The following CAMK1D variants were observed in gnomAD, a reference collection of about 807,000 sequenced individuals.
CAMK1D encodes calcium/calmodulin dependent protein kinase ID, also known as calcium/calmodulin-dependent protein kinase type 1D.
Under a neutral mutation model 47.7 loss-of-function variants are expected in CAMK1D, and 9 were observed. That is an observed-to-expected ratio of 0.19 (90% CI 0.11 to 0.33). The LOEUF is 0.33. Among genes scored for constraint, CAMK1D ranks in the 10% least tolerant of loss-of-function variants. The pLI is 1.00. For missense variants in CAMK1D, 291 were observed against 488.7 expected (o/e 0.60, Z 3.81); for synonymous variants, 184 against 184.9 (o/e 0.99, Z 0.04).
At chr10:12,584,843 C>T (rs1837768826) in intron 2 of CAMK1D, among the ~76,000 whole-genome samples, 1 of 152,098 alleles carries the variant, frequency 6.6e-6, no homozygotes, top group South Asian at 2.1e-4. Context: ...AAGAAAGGCC[C>T]AGTAGCTTGC....
intron 1 of CAMK1D, among the ~76,000 whole-genome samples, chr10:12,412,043 C>G (rs1839675652): frequency 6.6e-6 from 1 of 152,230 alleles, no homozygotes; most frequent in African/African-American, 2.4e-5. Flanking sequence ...GGGCTGGTTT[C>G]TCAGGTGACA....
chr10:12,697,918 G>A (rs1336975730), intron 3 of CAMK1D, among the ~76,000 whole-genome samples: 3 of 152,128 alleles, frequency 2.0e-5, no homozygotes, highest in Middle Eastern at 3.2e-3. Context: ...GCGGCCTCCT[G>A]CAGGAAATGG....
intron 6 of CAMK1D, among the ~76,000 whole-genome samples, chr10:12,799,335 C>T (rs139757903): frequency 6.6e-6 from 1 of 152,186 alleles, no homozygotes; most frequent in East Asian, 1.9e-4. Context: ...GTGGAGGGAG[C>T]ACGACATTGC....
At chr10:12,729,452 A>G (rs1033174067) in intron 3 of CAMK1D, among the ~76,000 whole-genome samples, 4 of 152,076 alleles carry the variant, frequency 2.6e-5, no homozygotes, top group African/African-American at 9.7e-5. Flanking sequence ...CCTGGGTAAC[A>G]TAGCAAGACC....
intron 2 of CAMK1D, among the ~76,000 whole-genome samples, chr10:12,663,589 C>T (rs150666866): frequency 8.7e-4 from 132 of 152,236 alleles, no homozygotes; most frequent in African/African-American, 3.0e-3. Flanking sequence ...GCATGAGTAC[C>T]AGGAGGGCTG....
chr10:12,365,290 A>G (rs1181384068), intron 1 of CAMK1D, among the ~76,000 whole-genome samples: 1 of 151,910 alleles, frequency 6.6e-6, no homozygotes, highest in Non-Finnish European at 1.5e-5. Flanking sequence ...TGTTTGTCAA[A>G]TGGGGATAAT....
chr10:12,617,703 G>C (rs545721797), intron 2 of CAMK1D, among the ~76,000 whole-genome samples: 2 of 152,188 alleles, frequency 1.3e-5, no homozygotes, highest in East Asian at 3.9e-4. Context: ...GATACCTGCC[G>C]GGTTAGTTTT....
At chr10:12,584,772 A>G (rs1047886994) in intron 2 of CAMK1D, among the ~76,000 whole-genome samples, 1 of 152,136 alleles carries the variant, frequency 6.6e-6, no homozygotes, top group Non-Finnish European at 1.5e-5. Flanking sequence ...GTGAGCAATG[A>G]TCATGCTACT....
At chr10:12,357,692 C>G (rs751303943) in intron 1 of CAMK1D, among the ~76,000 whole-genome samples, 1 of 152,080 alleles carries the variant, frequency 6.6e-6, no homozygotes, top group African/African-American at 2.4e-5. Flanking sequence ...AGCGGACCCA[C>G]GTTATTTTCC....
At chr10:12,689,849 A>G (rs530704702) in intron 3 of CAMK1D, among the ~76,000 whole-genome samples, 95 of 152,010 alleles carry the variant, frequency 6.2e-4, no homozygotes, top group African/African-American at 2.2e-3. Flanking sequence ...TCAGCTTATT[A>G]TTAAGTGGGG....
intron 7 of CAMK1D, among the ~76,000 whole-genome samples, chr10:12,815,107 G>A (rs1386884798): frequency 6.6e-6 from 1 of 152,206 alleles, no homozygotes; most frequent in Non-Finnish European, 1.5e-5. Context: ...GCCCCAGAAG[G>A]TGAAATAACT....
At chr10:12,757,679 A>G (rs1836292918) in intron 3 of CAMK1D, among the ~76,000 whole-genome samples, 1 of 152,146 alleles carries the variant, frequency 6.6e-6, no homozygotes, top group Non-Finnish European at 1.5e-5. Flanking sequence ...ATTTTCTCAC[A>G]GTTCTGGAGG....
rs539669728 is a variant in CAMK1D, at chr10:12,538,123, G to T, written c.93-15102G>T. ...CTGTGAGGCCCGTGGAAAGGGGAAG[G>T]CACCGTCAGCCACTAGCTGGGAACA... On this transcript the variant is annotated intron_variant, in intron 1 of 10. Transcript: ENST00000619168. Among the ~76,000 whole-genome samples the T allele has an allele frequency of 3.3e-5, 5 of 152,314 alleles. No individual in the cohort carries two copies. In the South Asian group the frequency reaches 8.3e-4, roughly 25 times the overall value.
chr10:12,806,082 T>A (rs1588950768), intron 6 of CAMK1D, among the ~76,000 whole-genome samples: 1 of 152,190 alleles, frequency 6.6e-6, no homozygotes, highest in South Asian at 2.1e-4. Flanking sequence ...GTCACGTCTG[T>A]GCACAGCGGG....
intron 1 of CAMK1D, among the ~76,000 whole-genome samples, chr10:12,547,360 C>T (rs117092324): frequency 7.6e-4 from 115 of 152,276 alleles, no homozygotes; most frequent in Non-Finnish European, 1.2e-3. Flanking sequence ...GGGGCACGGG[C>T]TCCAGGCCAG....
chr10:12,562,203 A>G (rs1836965824), intron 2 of CAMK1D, among the ~76,000 whole-genome samples: 1 of 152,180 alleles, frequency 6.6e-6, no homozygotes, highest in Admixed American at 6.5e-5. Flanking sequence ...GCAGAAGGGC[A>G]AGTGAGTGTG....
At chr10:12,755,345 T>C (rs1029463700) in intron 3 of CAMK1D, among the ~76,000 whole-genome samples, 2 of 152,138 alleles carry the variant, frequency 1.3e-5, no homozygotes, top group African/African-American at 4.8e-5. Flanking sequence ...GAGGGGAATC[T>C]CAGGTTCAGC....
chr10:12,776,254 G>A lies in CAMK1D; in HGVS notation c.565+6455G>A, dbSNP rs77323256. On this transcript the variant is annotated intron_variant, in intron 5 of 10. Coordinates refer to ENST00000619168, the MANE Select transcript of CAMK1D (RefSeq NM_153498.4). ...GGTTTGAGAGAAAGAAAGAAGGCAAGGATAATTCAAAGGTTTTTGGGCCTG... is the reference window on the plus strand; with the variant it reads ...GGTTTGAGAGAAAGAAAGAAGGCAAAGATAATTCAAAGGTTTTTGGGCCTG... 5.6e-3 allele frequency among the ~76,000 whole-genome samples: 848 copies of A among 152,358 alleles called. 3 individuals are homozygous for A. The highest frequency in any genetic ancestry group is 8.7e-3 in the Non-Finnish European group (590 of 68,026).
At chr10:12,756,674 C>T (rs1397235232) in intron 3 of CAMK1D, among the ~76,000 whole-genome samples, 1 of 152,186 alleles carries the variant, frequency 6.6e-6, no homozygotes, top group Non-Finnish European at 1.5e-5. Context: ...CACCTGTAAT[C>T]CCAGCACTTT....
Sources: gnomAD v4.1 joint callset for allele counts (sites outside exome capture counted in the v4.1 genomes callset) on GRCh38, gnomAD v4.1.1 for gene constraint, MANE v1.5 for transcripts, NCBI Gene and HGNC (gene_info 2026-07-23, HGNC 2026-07-21) for gene names.